The following POU6F2 variants were observed in gnomAD, a reference collection of about 807,000 sequenced individuals.
POU6F2 encodes POU domain, class 6, transcription factor 2.
In POU6F2, 31 loss-of-function variants were observed where a neutral mutation model predicts 71.3. That is an observed-to-expected ratio of 0.43 (90% CI 0.33 to 0.59). The LOEUF (loss-of-function observed/expected upper bound fraction) is 0.59, where lower values mean the gene tolerates loss of function less well. Ranked by LOEUF, POU6F2 falls within the 20% of genes least tolerant of loss-of-function variation. The pLI is 0.04. For synonymous variants in POU6F2, 347 were observed against 355.7 expected, an observed-to-expected ratio of 0.98 and a Z score of 0.27; for missense variants, 783 against 856.8, an observed-to-expected ratio of 0.91 and a Z score of 1.07.
intron 4 of POU6F2, among the ~76,000 whole-genome samples, chr7:39,331,399 G>A (rs1785645847): frequency 6.6e-6 from 1 of 152,202 alleles, no homozygotes; most frequent in African/African-American, 2.4e-5. Context: ...CCAATAGTAT[G>A]TAAGTGTTCC....
chr7:39,237,571 A>G (rs1184040808), intron 4 of POU6F2, among the ~76,000 whole-genome samples: 1 of 152,158 alleles, frequency 6.6e-6, no homozygotes, highest in Non-Finnish European at 1.5e-5. Context: ...CCATAGACAG[A>G]TAAGAGCTAT....
At chr7:39,023,959 C>T (rs913792395) in intron 1 of POU6F2, among the ~76,000 whole-genome samples, 6 of 151,860 alleles carry the variant, frequency 4.0e-5, no homozygotes, top group Non-Finnish European at 5.9e-5. Flanking sequence ...AATATAAAAC[C>T]TTTGCTTAGG....
At chr7:39,246,143 G>A (rs1383574115) in intron 4 of POU6F2, among the ~76,000 whole-genome samples, 1 of 152,154 alleles carries the variant, frequency 6.6e-6, no homozygotes, top group African/African-American at 2.4e-5. Flanking sequence ...TTGGAGAAAT[G>A]TTGGTCAACC....
chr7:39,406,358 CCTGGG>C (rs1787426681), intron 5 of POU6F2: 1 of 522,746 alleles, frequency 1.9e-6, no homozygotes, highest in African/African-American at 1.9e-5. Context: ...CTCGTTCCCT[CCTGGG>C]CTAGCCCTAA....
intron 4 of POU6F2, among the ~76,000 whole-genome samples, chr7:39,236,752 A>G (rs181921749): frequency 6.6e-6 from 1 of 152,326 alleles, no homozygotes; most frequent in Admixed American, 6.5e-5. Context: ...ATTCTGCACA[A>G]AGGGAAACTA....
At chr7:39,096,128 G>T (rs1791450343) in intron 2 of POU6F2, among the ~76,000 whole-genome samples, 1 of 152,226 alleles carries the variant, frequency 6.6e-6, no homozygotes, top group South Asian at 2.1e-4. Flanking sequence ...TCTGCACGGA[G>T]AGCTCAGTCC....
At chr7:39,369,862 T>G (rs1371081955) in intron 5 of POU6F2, among the ~76,000 whole-genome samples, 1 of 151,446 alleles carries the variant, frequency 6.6e-6, no homozygotes, top group African/African-American at 2.4e-5. Flanking sequence ...TTTTTTTTTT[T>G]TGGTGGGGGT....
At chr7:39,416,138 ACT>A (rs1325352151) in intron 6 of POU6F2, among the ~76,000 whole-genome samples, 2 of 148,524 alleles carry the variant, frequency 1.3e-5, no homozygotes, top group African/African-American at 5.0e-5. Context: ...ACACACACAC[ACT>A]AGAAAACTGT....
chr7:39,424,032 G>A (rs934529956), intron 6 of POU6F2, among the ~76,000 whole-genome samples: 1 of 152,208 alleles, frequency 6.6e-6, no homozygotes, highest in African/African-American at 2.4e-5. Context: ...AGATCACAGT[G>A]CCAGCAGATT....
intron 6 of POU6F2, among the ~76,000 whole-genome samples, chr7:39,408,068 T>C (rs1197792186): frequency 1.3e-5 from 2 of 152,212 alleles, no homozygotes; most frequent in African/African-American, 4.8e-5. Context: ...CTCAAAAGCC[T>C]ATTAAGATTT....
chr7:39,144,934 C>G (rs1242630578), intron 2 of POU6F2, among the ~76,000 whole-genome samples: 1 of 152,110 alleles, frequency 6.6e-6, no homozygotes, highest in African/African-American at 2.4e-5. Context: ...TCAAGTGGCC[C>G]AGGTCATTAT....
rs772518237 is a variant in POU6F2, at chr7:39,127,817, A to AAG, written c.277+41788_277+41789dup. ...ATTAGGATTTAAATTTACTCTAAGT[A>AAG]AGATGAAAAGCCAGTGGAATTTTTT... is the stretch of plus-strand genomic sequence containing the variant. On this transcript the variant is annotated intron_variant, in intron 2 of 9. Transcript: ENST00000518318. Among the ~76,000 whole-genome samples, 213 of 151,916 alleles carry AAG rather than the reference A, an allele frequency of 1.4e-3. 1 individual carries two copies. Among genetic ancestry groups the AAG allele is most frequent in the Non-Finnish European group, 1.8e-3 (121 of 67,962 alleles).
intron 1 of POU6F2, among the ~76,000 whole-genome samples, chr7:39,004,804 C>T (rs984812011): frequency 3.4e-4 from 51 of 152,072 alleles, no homozygotes; most frequent in African/African-American, 1.0e-3. Flanking sequence ...TGCTGTGCTC[C>T]GGGCCCTGCA....
intron 7 of POU6F2, among the ~76,000 whole-genome samples, chr7:39,441,950 A>G (rs1788416071): frequency 3.3e-5 from 5 of 152,256 alleles, no homozygotes; most frequent in Admixed American, 3.3e-4. Context: ...GAAATAAAAT[A>G]TAAAGAGAAG....
intron 4 of POU6F2, among the ~76,000 whole-genome samples, chr7:39,313,001 G>T (rs954153650): frequency 4.6e-5 from 7 of 152,164 alleles, no homozygotes; most frequent in Admixed American, 2.0e-4. Flanking sequence ...GATAAGGGGG[G>T]ACTGCTGTAC....
At chr7:39,142,136 C>T (rs1792516236) in intron 2 of POU6F2, among the ~76,000 whole-genome samples, 1 of 152,092 alleles carries the variant, frequency 6.6e-6, no homozygotes, top group Non-Finnish European at 1.5e-5. Flanking sequence ...CCAAACCAAG[C>T]CTTGCTCTTC....
chr7:39,064,971 G>A (rs1361813886), intron 1 of POU6F2, among the ~76,000 whole-genome samples: 1 of 151,828 alleles, frequency 6.6e-6, no homozygotes, highest in African/African-American at 2.4e-5. Context: ...AACCAGCATT[G>A]TGAGAAATAT....
rs1427935955 is a variant in POU6F2 at position 39,460,503 on chromosome 7, T to C, written c.1490-44T>C. On this transcript the variant is annotated intron_variant, in intron 8 of 9. Transcript: ENST00000518318. The surrounding 1 kb of genome is among the most constrained non-coding windows in gnomAD (Gnocchi z 4.4). ...CCGTAATAAACAGATATTGCTCGGC[T>C]GTGTGTTGACGTATTGATCCTATTT... 6.3e-7 allele frequency: 1 copy of C among 1,597,344 alleles called. No homozygotes were observed.
chr7:39,395,850 C>T (rs1216681358), intron 5 of POU6F2, among the ~76,000 whole-genome samples: 1 of 152,210 alleles, frequency 6.6e-6, no homozygotes, highest in South Asian at 2.1e-4. Context: ...GTAACACCCA[C>T]TGCTATACTG....
Sources: allele counts gnomAD v4.1 joint callset (sites outside exome capture counted in the v4.1 genomes callset), GRCh38; gene constraint gnomAD v4.1.1; non-coding constraint Gnocchi (gnomAD v3.1); transcripts MANE v1.5; gene names NCBI Gene and HGNC (gene_info 2026-07-23, HGNC 2026-07-21).